The following PRR14L variants were observed in gnomAD, a reference collection of about 807,000 sequenced individuals.
PRR14L encodes proline rich 14 like.
PRR14L carries 80 observed loss-of-function variants against 155.0 expected under a neutral mutation model. The observed-to-expected ratio is 0.52, with a 90% confidence interval of 0.43 to 0.62. The LOEUF (loss-of-function observed/expected upper bound fraction) is 0.62. PRR14L is among the 20% of genes least tolerant of loss of function. The pLI, the probability that PRR14L is intolerant of heterozygous loss-of-function variation, is 0.00. For missense variants in PRR14L, 2,469 were observed against 2,548.0 expected, an observed-to-expected ratio of 0.97 and a Z score of 0.67; for synonymous variants, 883 against 916.0, an observed-to-expected ratio of 0.96 and a Z score of 0.65.
chr22:31,692,781 C>A (rs2074517681), intron 7 of PRR14L, among the ~76,000 whole-genome samples: 1 of 152,098 alleles, frequency 6.6e-6, no homozygotes, highest in Non-Finnish European at 1.5e-5. Flanking sequence ...GTTGAGACTA[C>A]AGGAGTGTGC....
At chr22:31,694,271 C>T (rs563840957) in intron 7 of PRR14L, among the ~76,000 whole-genome samples, 2 of 152,228 alleles carry the variant, frequency 1.3e-5, no homozygotes, top group East Asian at 1.9e-4. Flanking sequence ...TGAGCCACTG[C>T]GCCTGGCCAG....
chr22:31,716,560 G>C lies in PRR14L; in HGVS notation c.1279C>G (p.Arg427Gly), dbSNP rs781464777. The change falls in exon 4 of 9, where the codon CGT becomes GGT. Residue 427 changes from arginine to glycine, a missense_variant. By Grantham distance (125) the Arg-to-Gly change is moderately radical. Transcript: ENST00000327423. Reference sequence around the variant, plus strand: ...ACAGGCTCTTTTTCACCAGAACAACGACCACTAATCTCCTTTTCTGGTTCC... The same window carrying C: ...ACAGGCTCTTTTTCACCAGAACAACCACCACTAATCTCCTTTTCTGGTTCC... Reference protein sequence around the residue: ...AREPEKEISGRCSGEKEPVVS... With the variant: ...AREPEKEISGGCSGEKEPVVS... 7.1e-6 allele frequency: 11 copies of C among 1,547,304 alleles called. No individual in the cohort carries two copies. The highest frequency in any genetic ancestry group is 7.0e-6 in the Non-Finnish European group (8 of 1,145,998).
At chr22:31,749,148 TAAG>T (rs2074857486) in intron 1 of PRR14L, among the ~76,000 whole-genome samples, 1 of 152,224 alleles carries the variant, frequency 6.6e-6, no homozygotes, top group Non-Finnish European at 1.5e-5. Context: ...ATGACAATTC[TAAG>T]AAAACAGAAC....
chr22:31,713,614 G>A lies in PRR14L; in HGVS notation c.4225C>T (p.Gln1409Ter), dbSNP rs775886080. ...TGTTGCGATATCGTATGTGCTTTTT[G>A]TTGACGTATATATTTCTCTTCTTTC... ...LQKEEKYIRQQKAHTISQQCI... is the reference protein window; with the variant it reads ...LQKEEKYIRQ The change falls in exon 4 of 9, where the codon CAA (glutamine) becomes TAA (stop). Residue 1409 changes from glutamine (Q) to a stop codon, truncating the protein, a stop_gained. Coordinates refer to ENST00000327423, the MANE Select transcript of PRR14L (RefSeq NM_173566.3). LOFTEE classifies it high-confidence loss of function. The A allele has an allele frequency of 6.4e-7, 1 of 1,551,808 alleles. No homozygotes were observed. The highest frequency in any genetic ancestry group is 8.7e-7 in the Non-Finnish European group (1 of 1,147,014).
At position 31,703,680 on chromosome 22, in the gene PRR14L, A is replaced by G. The variant is rs1438464142; in HGVS notation, c.5870T>C (p.Leu1957Ser). Residue 1957 changes from leucine to serine, a missense_variant, in exon 6 of 9, where the codon TTG (leucine) becomes TCG (serine). Leu to Ser is a moderately radical substitution (Grantham distance 145). This residue lies in a region of PRR14L where 2,363 missense variants were observed against 2,371.6 expected (regional missense o/e 1.00). Transcript: ENST00000327423. ...CTTGCTGACAGCTGATTCTGCTACCAAGCAAGACTTTGGTACCAAGGCAGG... is the reference window on the plus strand; with the variant it reads ...CTTGCTGACAGCTGATTCTGCTACCGAGCAAGACTTTGGTACCAAGGCAGG... ...PFPALVPKSC[L>S]VAESAVSKLL... The G allele has an allele frequency of 1.2e-6, 2 of 1,608,968 alleles. No homozygotes were observed. Among genetic ancestry groups the G allele is most frequent in the Non-Finnish European group, 1.7e-6 (2 of 1,177,288 alleles).
chr22:31,707,933 T>C (rs868271342), intron 4 of PRR14L, among the ~76,000 whole-genome samples: 1 of 152,082 alleles, frequency 6.6e-6, no homozygotes, highest in Non-Finnish European at 1.5e-5. Context: ...GCAGATCACC[T>C]GAGGTCAGGA....
rs1453673346 is a variant in PRR14L, at chr22:31,688,212, C to G, written c.6123G>C (p.Glu2041Asp). 6.3e-7 allele frequency: 1 copy of G among 1,598,246 alleles called. No individual in the cohort carries two copies. The highest frequency in any genetic ancestry group is 1.3e-5 in the African/African-American group (1 of 74,198). ...LPRPKRLKKK[E>D]FSLEEIYTNK... Reference sequence around the variant, plus strand: ...TGGTATATATCTCTTCTAAACTAAACTCCTTCTTCTTTAACCTGAAAAGAA... The same window carrying G: ...TGGTATATATCTCTTCTAAACTAAAGTCCTTCTTCTTTAACCTGAAAAGAA... Residue 2041 changes from glutamate (E) to aspartate (D), a missense_variant, in exon 8 of 9, where the codon GAG (glutamate) becomes GAC (aspartate). Physicochemically the swap from Glu to Asp is conservative, Grantham distance 45. Transcript: ENST00000327423.
intron 1 of PRR14L, among the ~76,000 whole-genome samples, chr22:31,744,136 T>A (rs1364791489): frequency 1.3e-5 from 2 of 150,618 alleles, no homozygotes; most frequent in African/African-American, 4.9e-5. Context: ...CTGGTTAATT[T>A]TTTTTTTTTT....
intron 4 of PRR14L, among the ~76,000 whole-genome samples, chr22:31,706,257 G>A (rs944449231): frequency 2.7e-5 from 4 of 150,194 alleles, no homozygotes; most frequent in Admixed American, 2.0e-4. Flanking sequence ...CTTGAACCCG[G>A]GAGGGTGAGG....
At chr22:31,702,519 C>A (rs532480998) in intron 6 of PRR14L, among the ~76,000 whole-genome samples, 3 of 151,862 alleles carry the variant, frequency 2.0e-5, no homozygotes, top group Admixed American at 1.3e-4. Context: ...CCGCATCTGG[C>A]CTTATTTATT....
chr22:31,728,774 T>G (rs1292732323), intron 2 of PRR14L, among the ~76,000 whole-genome samples: 1 of 149,838 alleles, frequency 6.7e-6, no homozygotes, highest in Non-Finnish European at 1.5e-5. Flanking sequence ...ATACAACCAA[T>G]GTATTGTATC....
chr22:31,696,249 C>T (rs542970655), intron 7 of PRR14L, among the ~76,000 whole-genome samples: 2 of 151,730 alleles, frequency 1.3e-5, no homozygotes, highest in East Asian at 3.9e-4. Flanking sequence ...TCAAGCGATT[C>T]TCCGGCCTCA....
chr22:31,747,450 G>A (rs918992873), intron 1 of PRR14L, among the ~76,000 whole-genome samples: 2 of 150,036 alleles, frequency 1.3e-5, no homozygotes, highest in Admixed American at 1.3e-4. Context: ...TCTTCATCAG[G>A]AAGCCAGGGT....
chr22:31,690,128 A>G, intron 7 of PRR14L, among the ~76,000 whole-genome samples: 1 of 152,026 alleles, frequency 6.6e-6, no homozygotes, highest in East Asian at 1.9e-4. Context: ...CATTGGCCAG[A>G]CTGGTCTCGA....
intron 2 of PRR14L, among the ~76,000 whole-genome samples, chr22:31,736,895 G>A (rs1320934859): frequency 2.0e-5 from 3 of 151,616 alleles, no homozygotes; most frequent in East Asian, 3.9e-4. Context: ...TAAATTAGCC[G>A]GGCGTGGTGG....
chr22:31,685,785 A>C lies in PRR14L; in HGVS notation c.6198T>G (p.Phe2066Leu). 6.4e-7 allele frequency: 1 copy of C among 1,551,610 alleles called. No homozygotes were observed. The highest frequency in any genetic ancestry group is 8.7e-7 in the Non-Finnish European group (1 of 1,146,950). The change falls in exon 9 of 9, where the codon TTT becomes TTG. Residue 2066 changes from phenylalanine to leucine, a missense_variant. Physicochemically the swap from Phe to Leu is conservative, Grantham distance 22 (BLOSUM62 0). This residue lies in a region of PRR14L where 106 missense variants were observed against 176.4 expected (regional missense o/e 0.60). Transcript: ENST00000327423. ...PPANRCLETIFEEPKERNGTL... is the reference protein window; with the variant it reads ...PPANRCLETILEEPKERNGTL... The stretch of plus-strand genomic sequence containing the variant: ...TACCATTTCGTTCCTTGGGTTCCTC[A>C]AAGATGGTCTCTAAACACCTAAGGA...
At position 31,715,583 on chromosome 22, in the gene PRR14L, T is replaced by G. The variant is rs769208515; in HGVS notation, c.2256A>C (p.Lys752Asn). The change falls in exon 4 of 9, where the codon AAA (lysine) becomes AAC (asparagine). Residue 752 changes from lysine to asparagine, a missense_variant. Coordinates refer to ENST00000327423, the MANE Select transcript of PRR14L (RefSeq NM_173566.3). ...TTGAGCGCAGCCTGGAATGTAGAGCTTTTGTTCCTGAATCAGCCATTTCCT... is the reference window on the plus strand; with the variant it reads ...TTGAGCGCAGCCTGGAATGTAGAGCGTTTGTTCCTGAATCAGCCATTTCCT... ...RKKEMADSGT[K>N]ALHSRLRSNK... 1.7e-5 allele frequency: 27 copies of G among 1,551,928 alleles called. No individual in the cohort carries two copies. In the African/African-American group the frequency reaches 3.3e-4, roughly 19 times the overall value.
chr22:31,746,581 A>G (rs2074838902), intron 1 of PRR14L, among the ~76,000 whole-genome samples: 1 of 152,188 alleles, frequency 6.6e-6, no homozygotes, highest in East Asian at 1.9e-4. Context: ...TTTATGAACG[A>G]CTTTTGACAG....
chr22:31,711,899 G>T (rs1251761862), intron 4 of PRR14L, among the ~76,000 whole-genome samples, 184 bp downstream of exon 4: 3 of 152,100 alleles, frequency 2.0e-5, no homozygotes, highest in Non-Finnish European at 4.4e-5. Context: ...TGAGCAGGGG[G>T]TGGGGGTCCT....
Sources: allele counts gnomAD v4.1 joint callset (sites outside exome capture counted in the v4.1 genomes callset), GRCh38; gene constraint gnomAD v4.1.1; regional missense constraint gnomAD v4.1.1; transcripts MANE v1.5; gene names NCBI Gene and HGNC (gene_info 2026-07-23, HGNC 2026-07-21).